XYLT1: variants seen among roughly 807,000 people sequenced by gnomAD.
The protein encoded by XYLT1 is beta-D-xylosyltransferase 1.
XYLT1 carries 36 observed loss-of-function variants against 91.3 expected under a neutral mutation model. That is an observed-to-expected ratio of 0.39 (90% CI 0.30 to 0.52). The LOEUF is 0.52. Ranked by LOEUF, XYLT1 falls within the 20% of genes least tolerant of loss-of-function variation. XYLT1 has a pLI of 0.68. For synonymous variants in XYLT1, 588 were observed against 532.0 expected (o/e 1.11, Z -1.45); for missense variants, 1,242 against 1,284.5 (o/e 0.97, Z 0.51).
chr16:17,222,389 A>G (rs1349559938), intron 3 of XYLT1, among the ~76,000 whole-genome samples: 1 of 152,148 alleles, frequency 6.6e-6, no homozygotes. Context: ...CATGTACGGG[A>G]CGGCCCCCAC....
At chr16:17,308,830 A>T (rs1288672035) in intron 2 of XYLT1, among the ~76,000 whole-genome samples, 2 of 152,204 alleles carry the variant, frequency 1.3e-5, no homozygotes, top group Non-Finnish European at 2.9e-5. Context: ...TTCTGCAAGG[A>T]AAATAACATC....
chr16:17,333,464 G>A (rs1368515841), intron 2 of XYLT1, among the ~76,000 whole-genome samples: 1 of 152,084 alleles, frequency 6.6e-6, no homozygotes, highest in Non-Finnish European at 1.5e-5. Context: ...ATATGGGACA[G>A]CACAGATCTG....
chr16:17,333,585 TAATTTA>T (rs1567378988), intron 2 of XYLT1, among the ~76,000 whole-genome samples: 2 of 127,854 alleles, frequency 1.6e-5, no homozygotes, highest in African/African-American at 6.7e-5. Context: ...TTAATTAATT[TAATTTA>T]TTTTTTTTTT....
intron 2 of XYLT1, among the ~76,000 whole-genome samples, chr16:17,345,171 T>C (rs962623395): frequency 1.3e-5 from 2 of 152,220 alleles, no homozygotes; most frequent in African/African-American, 4.8e-5. Flanking sequence ...CCACTCGTCA[T>C]CCAGGCAGTT....
intron 2 of XYLT1, among the ~76,000 whole-genome samples, chr16:17,346,432 C>T (rs1173806921): frequency 1.3e-5 from 2 of 152,292 alleles, no homozygotes; most frequent in East Asian, 1.9e-4. Flanking sequence ...GACCCCATCC[C>T]GAGGCCCCAT....
chr16:17,409,248 G>A (rs1016914288), intron 1 of XYLT1, among the ~76,000 whole-genome samples: 2 of 152,154 alleles, frequency 1.3e-5, no homozygotes, highest in African/African-American at 4.8e-5. Context: ...AATAAGAAGG[G>A]ATTTGAGAGA....
chr16:17,128,846 T>G (rs1419569874), intron 9 of XYLT1, among the ~76,000 whole-genome samples: 1 of 152,186 alleles, frequency 6.6e-6, no homozygotes, highest in East Asian at 1.9e-4. Context: ...AGCTGCCGCT[T>G]CTGCAATGTG....
chr16:17,172,208 CT>C (rs1043820033), intron 5 of XYLT1, among the ~76,000 whole-genome samples: 10 of 151,908 alleles, frequency 6.6e-5, no homozygotes, highest in East Asian at 1.9e-4. Flanking sequence ...TCCTCTCTCC[CT>C]TTTTTTTCTC....
chr16:17,383,185 C>T (rs1013286298), intron 1 of XYLT1, among the ~76,000 whole-genome samples: 3 of 151,864 alleles, frequency 2.0e-5, no homozygotes, highest in Admixed American at 1.3e-4. Flanking sequence ...CCGTCACTAG[C>T]CACAAACACA....
At chr16:17,366,638 T>C (rs1281815749) in intron 1 of XYLT1, among the ~76,000 whole-genome samples, 3 of 152,134 alleles carry the variant, frequency 2.0e-5, no homozygotes, top group East Asian at 1.9e-4. Flanking sequence ...GAGGCTGCAG[T>C]GAGCCAAGAT....
chr16:17,134,820 G>C, intron 8 of XYLT1, 85 bp from the exon 9 acceptor site: 1 of 1,524,576 alleles, frequency 6.6e-7, no homozygotes, highest in South Asian at 1.2e-5. Flanking sequence ...CCTGTGGTTA[G>C]AAGCAAAGCT....
intron 10 of XYLT1, among the ~76,000 whole-genome samples, chr16:17,124,887 T>G: frequency 6.6e-6 from 1 of 152,234 alleles, no homozygotes; most frequent in Admixed American, 6.5e-5. Context: ...ATTCGATTGC[T>G]GAGACTTTCC....
At chr16:17,237,037 A>G (rs930091893) in intron 3 of XYLT1, among the ~76,000 whole-genome samples, 3 of 152,214 alleles carry the variant, frequency 2.0e-5, no homozygotes, top group African/African-American at 4.8e-5. Context: ...TGATTTAGGT[A>G]TAATTGGCAT....
rs531509701 is a variant in XYLT1 at position 17,451,141 on chromosome 16, C to T, written c.363+19293G>A. Among the ~76,000 whole-genome samples the T allele has an allele frequency of 8.5e-5, 13 of 152,246 alleles. No homozygotes were observed. The South Asian group carries it at 2.3e-3, about 27-fold the overall frequency. ...GTTCAAGTTCCACCTCCAAATCTTGCAATTTCTAAACCAGTCAACTTTTCT... is the reference window on the plus strand; with the variant it reads ...GTTCAAGTTCCACCTCCAAATCTTGTAATTTCTAAACCAGTCAACTTTTCT... On this transcript the variant is annotated intron_variant, in intron 1 of 11. Transcript: ENST00000261381.
chr16:17,393,629 T>C (rs1486781694), intron 1 of XYLT1, among the ~76,000 whole-genome samples: 1 of 152,110 alleles, frequency 6.6e-6, no homozygotes, highest in Non-Finnish European at 1.5e-5. Context: ...AAATGTCATA[T>C]GAGTCTGGGT....
At position 17,247,241 on chromosome 16, in the gene XYLT1, C is replaced by T. The variant is rs1380169050; in HGVS notation, c.913+11747G>A. Among the ~76,000 whole-genome samples the T allele has an allele frequency of 2.7e-5, 4 of 148,880 alleles. No homozygotes were observed. The East Asian group carries it at 7.8e-4, about 29-fold the overall frequency. ...TTGCACTAAGTCTCTGTCTTGGGGA[C>T]CCTGGGTGGCAGACACACAATCAGT... is the stretch of plus-strand genomic sequence containing the variant. On this transcript the variant is annotated intron_variant, in intron 3 of 11. Coordinates refer to ENST00000261381, the MANE Select transcript of XYLT1 (RefSeq NM_022166.4).
intron 2 of XYLT1, among the ~76,000 whole-genome samples, chr16:17,328,241 T>G (rs1194806361): frequency 1.3e-5 from 2 of 152,012 alleles, no homozygotes; most frequent in East Asian, 3.9e-4. Flanking sequence ...ATTGTCACAA[T>G]CAGGCATATT....
At chr16:17,381,451 GTCTCAC>G (rs2035679865) in intron 1 of XYLT1, among the ~76,000 whole-genome samples, 1 of 121,778 alleles carries the variant, frequency 8.2e-6, no homozygotes. Flanking sequence ...TTGAAATGGA[GTCTCAC>G]TCTGTCACCC....
At position 17,105,041 on chromosome 16, in the gene XYLT1, C is replaced by T. The variant is rs1966755601; in HGVS notation, c.*3654G>A. The T allele has an allele frequency of 6.6e-6, 1 of 152,010 alleles. No individual in the cohort carries two copies. Among genetic ancestry groups the T allele is most frequent in the Admixed American group, 6.6e-5 (1 of 15,252 alleles). 9.4% of individuals were successfully genotyped at this position (152,010 alleles called of 1,614,324 possible). On this transcript the variant is annotated 3_prime_UTR_variant, in exon 12 of 12. Coordinates refer to ENST00000261381, the MANE Select transcript of XYLT1 (RefSeq NM_022166.4). ...TACACCTCTCCACCCCTAGATGTAC[C>T]CCTCCACCTGAATGTACACCTCTCC...
Sources: allele counts gnomAD v4.1 joint callset (sites outside exome capture counted in the v4.1 genomes callset), GRCh38; gene constraint gnomAD v4.1.1; transcripts MANE v1.5; gene names NCBI Gene and HGNC (gene_info 2026-07-23, HGNC 2026-07-21).